The following COL27A1 variants were observed in gnomAD, a reference collection of about 807,000 sequenced individuals.
The protein encoded by COL27A1 is collagen alpha-1(XXVII) chain.
Under a neutral mutation model 251.3 loss-of-function variants are expected in COL27A1, and 106 were observed. The observed-to-expected ratio is 0.42, with a 90% CI of 0.36 to 0.50. The LOEUF is 0.50. Ranked by LOEUF, COL27A1 falls within the 20% of genes least tolerant of loss-of-function variation. The pLI is 0.00. For synonymous variants in COL27A1, 1,000 were observed against 986.3 expected (o/e 1.01, Z -0.26); for missense variants, 2,325 against 2,522.8 (o/e 0.92, Z 1.68).
At chr9:114,261,817 C>CT (rs1381763445) in intron 28 of COL27A1, among the ~76,000 whole-genome samples, 1 of 152,228 alleles carries the variant, frequency 6.6e-6, no homozygotes, top group African/African-American at 2.4e-5. Context: ...CATTTCCTAG[C>CT]TGTGTGACCA....
chr9:114,266,651 T>C, intron 33 of COL27A1, 33 bp downstream of exon 33: 1 of 1,585,998 alleles, frequency 6.3e-7, no homozygotes, highest in South Asian at 1.1e-5. Context: ...CGTCCCATGA[T>C]GCTGCTGGGG....
intron 7 of COL27A1, 36 bp from the exon 8 acceptor site, chr9:114,205,066 C>G (rs757747444): frequency 1.2e-6 from 2 of 1,610,762 alleles, no homozygotes; most frequent in East Asian, 2.2e-5. Context: ...CAGATGTGTC[C>G]TCCCTGCCTG....
At chr9:114,243,012 G>A (rs114735694) in intron 22 of COL27A1, among the ~76,000 whole-genome samples, 7 of 152,170 alleles carry the variant, frequency 4.6e-5, no homozygotes, top group Non-Finnish European at 7.4e-5. Context: ...ACAATATTGC[G>A]CGCCATGCAG....
chr9:114,224,372 C>G (rs372275338), intron 14 of COL27A1, among the ~76,000 whole-genome samples: 1 of 152,070 alleles, frequency 6.6e-6, no homozygotes, highest in Non-Finnish European at 1.5e-5. Context: ...GGATGGAGCC[C>G]GAGTCGTCCT....
intron 49 of COL27A1, among the ~76,000 whole-genome samples, chr9:114,296,864 A>T (rs573168374): frequency 6.6e-6 from 1 of 152,248 alleles, no homozygotes; most frequent in African/African-American, 2.4e-5. Context: ...AATACAATTC[A>T]TCAGTAAATG....
At chr9:114,222,389 C>T in intron 14 of COL27A1, 122 bp downstream of exon 14, 1 of 920,802 alleles carries the variant, frequency 1.1e-6, no homozygotes. Flanking sequence ...TCTCATCAAA[C>T]CCCCAGAGGG....
At chr9:114,212,750 A>G (rs10122722) in intron 12 of COL27A1, among the ~76,000 whole-genome samples, 2,027 of 152,338 alleles carry the variant, frequency 0.013, 48 homozygotes, top group African/African-American at 0.045. Context: ...TCATAAGACC[A>G]TTGTGCTTGT....
chr9:114,272,091 G>C (rs1378210890), intron 36 of COL27A1: 3 of 152,256 alleles, frequency 2.0e-5, no homozygotes, highest in Non-Finnish European at 2.9e-5. Context: ...TGCTGATGAA[G>C]GTCATGGCTA....
intron 27 of COL27A1, among the ~76,000 whole-genome samples, chr9:114,256,831 G>C (rs749603520): frequency 2.0e-5 from 3 of 152,212 alleles, no homozygotes; most frequent in Non-Finnish European, 2.9e-5. Context: ...GCTACAGCCT[G>C]CTCTTTTCAG....
At chr9:114,171,126 G>A (rs1030603095) in intron 3 of COL27A1, among the ~76,000 whole-genome samples, 1 of 152,190 alleles carries the variant, frequency 6.6e-6, no homozygotes, top group African/African-American at 2.4e-5. Context: ...AGCAGGAAGC[G>A]AGGCCTCCTT....
intron 41 of COL27A1, among the ~76,000 whole-genome samples, chr9:114,287,046 G>A (rs555500218): frequency 1.7e-4 from 26 of 152,292 alleles, no homozygotes; most frequent in Non-Finnish European, 3.2e-4. Context: ...CTTGAGCACT[G>A]GATCCAAGAA....
chr9:114,171,266 C>T (rs569989864), intron 3 of COL27A1, among the ~76,000 whole-genome samples: 2 of 152,182 alleles, frequency 1.3e-5, no homozygotes, highest in South Asian at 4.2e-4. Flanking sequence ...CCAGGACCTG[C>T]CCAAGGCCAC....
intron 57 of COL27A1, chr9:114,306,219 G>A (rs539664451): frequency 3.2e-5 from 8 of 251,246 alleles, no homozygotes; most frequent in South Asian, 1.4e-4. Flanking sequence ...GGCCGCTGCC[G>A]AGTGTCCCAC....
chr9:114,297,279 C>T (rs375406043), intron 49 of COL27A1, among the ~76,000 whole-genome samples: 6 of 152,122 alleles, frequency 3.9e-5, no homozygotes, highest in Non-Finnish European at 7.4e-5. Context: ...TAGGAGACAG[C>T]CATCAGAGTG....
chr9:114,234,044 C>T (rs935189938), intron 16 of COL27A1, among the ~76,000 whole-genome samples: 8 of 152,078 alleles, frequency 5.3e-5, no homozygotes, highest in South Asian at 2.1e-4. Context: ...CACTTACAAC[C>T]GCTTGGCTCC....
chr9:114,309,458 G>A lies in COL27A1; in HGVS notation c.5416G>A (p.Val1806Met). 1.9e-6 allele frequency: 3 copies of A among 1,613,788 alleles called. No individual in the cohort carries two copies. Among genetic ancestry groups the A allele is most frequent in the Non-Finnish European group, 2.5e-6 (3 of 1,179,916 alleles). ...FEAGGQFRPE[V>M]SMDGCKVQDG... Reference sequence around the variant, plus strand: ...AGCTGGGGGTCAGTTCCGGCCCGAGGTGTCCATGGATGGCTGCAAGGTAAC... The same window carrying A: ...AGCTGGGGGTCAGTTCCGGCCCGAGATGTCCATGGATGGCTGCAAGGTAAC... The change falls in exon 60 of 61, where the codon GTG becomes ATG. Residue 1806 changes from valine (V) to methionine (M), a missense_variant. Physicochemically the swap from Val to Met is conservative, Grantham distance 21. Coordinates refer to ENST00000356083, the MANE Select transcript of COL27A1 (RefSeq NM_032888.4).
chr9:114,212,810 G>T (rs1830454312), intron 12 of COL27A1, among the ~76,000 whole-genome samples: 2 of 152,218 alleles, frequency 1.3e-5, no homozygotes, highest in South Asian at 4.1e-4. Context: ...AGGTTTCCTG[G>T]ATGGCTGAGG....
chr9:114,198,495 G>A (rs1293668866), intron 7 of COL27A1, among the ~76,000 whole-genome samples: 2 of 152,190 alleles, frequency 1.3e-5, no homozygotes, highest in Admixed American at 6.5e-5. Flanking sequence ...GGCATCAGTA[G>A]CTCTAAAAGG....
chr9:114,240,737 G>C (rs1359519258), intron 21 of COL27A1, among the ~76,000 whole-genome samples: 1 of 152,174 alleles, frequency 6.6e-6, no homozygotes, highest in Non-Finnish European at 1.5e-5. Flanking sequence ...CTGCACCCTC[G>C]TCACCCTGGG....
Sources: allele counts gnomAD v4.1 joint callset (sites outside exome capture counted in the v4.1 genomes callset), GRCh38; gene constraint gnomAD v4.1.1; transcripts MANE v1.5; gene names NCBI Gene and HGNC (gene_info 2026-07-23, HGNC 2026-07-21).